Variants in HMGA2 observed in about 807,000 individuals in gnomAD.
The protein encoded by HMGA2 is high mobility group AT-hook 2.
HMGA2 carries 8 observed loss-of-function variants against 19.1 expected under a neutral mutation model. The observed-to-expected ratio is 0.42, with a 90% CI of 0.25 to 0.76. HMGA2 has a LOEUF of 0.76. Ranked by LOEUF, HMGA2 falls within the 30% of genes least tolerant of loss-of-function variation. HMGA2 has a pLI of 0.28. For synonymous variants in HMGA2, 60 were observed against 48.8 expected, an observed-to-expected ratio of 1.23 and a Z score of -0.96; for missense variants, 109 against 136.3, an observed-to-expected ratio of 0.80 and a Z score of 1.00.
At chr12:65,843,515 C>T (rs1232599552) in intron 3 of HMGA2, 4 of 186,598 alleles carry the variant, frequency 2.1e-5, no homozygotes, top group Non-Finnish European at 4.5e-5. Context: ...ATAAAATCTA[C>T]TACACACATT....
intron 3 of HMGA2, chr12:65,881,929 G>GGAGAGATTCC: frequency 1.4e-6 from 1 of 701,452 alleles, no homozygotes; most frequent in South Asian, 1.5e-5. Flanking sequence ...CAGAAGGCAT[G>GGAGAGATTCC]GAGAGATTCC....
At chr12:65,923,361 G>A (rs1050017130) in intron 3 of HMGA2, among the ~76,000 whole-genome samples, 1 of 152,208 alleles carries the variant, frequency 6.6e-6, no homozygotes, top group Non-Finnish European at 1.5e-5. Flanking sequence ...TCTGAAGACT[G>A]GGGGTTAGGG....
chr12:65,885,838 G>A (rs77649070), intron 3 of HMGA2, among the ~76,000 whole-genome samples: 11,693 of 152,238 alleles, frequency 0.077, 481 homozygotes, highest in Middle Eastern at 0.17. Flanking sequence ...TTGAGCTGAT[G>A]ATATCAACTA....
chr12:65,846,823 G>A (rs1565706065), intron 3 of HMGA2, among the ~76,000 whole-genome samples: 1 of 152,180 alleles, frequency 6.6e-6, no homozygotes, highest in Non-Finnish European at 1.5e-5. Context: ...GACAAGATAG[G>A]TGGGGCTGCC....
chr12:65,936,416 A>T (rs1219982341), intron 3 of HMGA2, among the ~76,000 whole-genome samples: 2 of 152,176 alleles, frequency 1.3e-5, no homozygotes, highest in African/African-American at 4.8e-5. Context: ...CAAAGCACAT[A>T]AAAAATCCTG....
chr12:65,875,587 C>CTTTTT (rs1872953046), intron 3 of HMGA2, among the ~76,000 whole-genome samples: 1 of 34,060 alleles, frequency 2.9e-5, no homozygotes, highest in Non-Finnish European at 1.0e-4. Context: ...CCGTGCCCGG[C>CTTTTT]TATTTTTTTT....
rs1876895398 is a variant in HMGA2 at position 65,965,941 on chromosome 12, G to A, written c.*2649G>A. On this transcript the variant is annotated 3_prime_UTR_variant, in exon 5 of 5. Coordinates refer to ENST00000403681, the MANE Select transcript of HMGA2 (RefSeq NM_003483.6). ...TTTTTGTGGGAGATAAATTTTATAG[G>A]ACTGTTCTTTGCTGTTGTTGGTCGC... The A allele has an allele frequency of 4.6e-6, 1 of 218,432 alleles. No homozygotes were observed. The allele number at this position is 218,432 out of a possible 1,614,324, so 13.5% of individuals were successfully genotyped here.
At chr12:65,866,959 T>TAG (rs1441677187) in intron 3 of HMGA2, 2 of 456,626 alleles carry the variant, frequency 4.4e-6, no homozygotes, top group East Asian at 6.9e-5. Flanking sequence ...TTGACACTGG[T>TAG]AGAGAGAGAG....
chr12:65,828,974 A>AT (rs902318505), intron 2 of HMGA2: 5 of 152,204 alleles, frequency 3.3e-5, no homozygotes, highest in African/African-American at 1.2e-4. Flanking sequence ...TGGAAAAAAA[A>AT]GTTTCTGCGT....
intron 2 of HMGA2, among the ~76,000 whole-genome samples, chr12:65,835,320 T>C (rs563477045): frequency 2.0e-5 from 3 of 152,196 alleles, no homozygotes; most frequent in Non-Finnish European, 4.4e-5. Context: ...TCTAAGCTGG[T>C]TTACAAACTA....
At chr12:65,919,475 G>A (rs1875226138) in intron 3 of HMGA2, among the ~76,000 whole-genome samples, 1 of 152,246 alleles carries the variant, frequency 6.6e-6, no homozygotes, top group South Asian at 2.1e-4. Flanking sequence ...TGCTTTAGTA[G>A]TAAGTGCAGG....
At chr12:65,906,015 C>T (rs548493545) in intron 3 of HMGA2, among the ~76,000 whole-genome samples, 2 of 152,290 alleles carry the variant, frequency 1.3e-5, no homozygotes, top group Non-Finnish European at 2.9e-5. Context: ...CAATAGTTCA[C>T]TTAAAACAGC....
chr12:65,848,647 G>C (rs1871326841), intron 3 of HMGA2, among the ~76,000 whole-genome samples: 1 of 152,048 alleles, frequency 6.6e-6, no homozygotes, highest in Non-Finnish European at 1.5e-5. Context: ...ATGAGGTCAG[G>C]AGATCGAGAC....
chr12:65,909,806 G>A (rs1874765516), intron 3 of HMGA2, among the ~76,000 whole-genome samples: 1 of 152,156 alleles, frequency 6.6e-6, no homozygotes, highest in Non-Finnish European at 1.5e-5. Flanking sequence ...ACCCTGCTTA[G>A]AGGACCAAGA....
chr12:65,962,473 A>T (rs1876778678), intron 4 of HMGA2, among the ~76,000 whole-genome samples: 1 of 152,240 alleles, frequency 6.6e-6, no homozygotes, highest in Non-Finnish European at 1.5e-5. Context: ...TGTTTGGTCG[A>T]TGCGGATTAG....
chr12:65,897,843 A>T (rs982294754), intron 3 of HMGA2, among the ~76,000 whole-genome samples: 2 of 151,952 alleles, frequency 1.3e-5, no homozygotes, highest in Admixed American at 1.3e-4. Flanking sequence ...CCCTGTTGTA[A>T]TCCCAGCTAC....
chr12:65,919,409 C>A (rs1428119299), intron 3 of HMGA2, among the ~76,000 whole-genome samples: 1 of 152,170 alleles, frequency 6.6e-6, no homozygotes, highest in Non-Finnish European at 1.5e-5. Context: ...TCCCATTGGA[C>A]CCACTTTCCT....
intron 2 of HMGA2, among the ~76,000 whole-genome samples, chr12:65,831,384 A>G (rs886467732): frequency 1.3e-5 from 2 of 150,374 alleles, no homozygotes; most frequent in Non-Finnish European, 3.0e-5. Flanking sequence ...TTTTAAGCCA[A>G]TTCTCATTCA....
Position 65,923,031 on chromosome 12 carries a change from T to C in HMGA2, c.250-28352T>C, listed in dbSNP as rs184269577. Among the ~76,000 whole-genome samples the C allele has an allele frequency of 3.3e-5, 5 of 152,266 alleles. No homozygotes were observed. In the East Asian group the frequency reaches 9.7e-4, roughly 29 times the overall value. ...TTTTCTTCCCAGTCTTGGGTATGTC[T>C]TTATCAGCAGCATGAAAATGGACTA... is the stretch of plus-strand genomic sequence containing the variant. On this transcript the variant is annotated intron_variant, in intron 3 of 4. Coordinates refer to ENST00000403681, the MANE Select transcript of HMGA2 (RefSeq NM_003483.6).
Sources: gnomAD v4.1 joint callset for allele counts (sites outside exome capture counted in the v4.1 genomes callset) on GRCh38, gnomAD v4.1.1 for gene constraint, MANE v1.5 for transcripts, NCBI Gene and HGNC (gene_info 2026-07-23, HGNC 2026-07-21) for gene names.